The following SBK1 variants were observed in gnomAD, a reference collection of about 807,000 sequenced individuals.
SBK1 encodes the protein SH3 domain binding kinase 1.
SBK1 carries 11 observed loss-of-function variants against 24.4 expected under a neutral mutation model. The ratio of observed to expected loss-of-function variants is 0.45; its 90% CI spans 0.28 to 0.75. The LOEUF (loss-of-function observed/expected upper bound fraction) is 0.75, where lower values mean the gene tolerates loss of function less well. SBK1 is among the 30% of genes least tolerant of loss of function. SBK1 has a pLI of 0.12. For missense variants in SBK1, 467 were observed against 620.5 expected (o/e 0.75, Z 2.63); for synonymous variants, 308 against 284.4 (o/e 1.08, Z -0.83).
intron 1 of SBK1, among the ~76,000 whole-genome samples, chr16:28,307,271 C>A (rs2044723600): frequency 6.6e-6 from 1 of 152,202 alleles, no homozygotes; most frequent in South Asian, 2.1e-4. Context: ...GACACAGAGA[C>A]TTATTAACCC....
intron 1 of SBK1, among the ~76,000 whole-genome samples, chr16:28,302,902 T>C (rs1452239316): frequency 1.4e-5 from 2 of 147,908 alleles, no homozygotes; most frequent in African/African-American, 4.9e-5. Flanking sequence ...CAGAAGTTGG[T>C]ACATTATATA....
At chr16:28,297,873 T>C (rs1360218211) in intron 1 of SBK1, among the ~76,000 whole-genome samples, 1 of 152,146 alleles carries the variant, frequency 6.6e-6, no homozygotes, top group African/African-American at 2.4e-5. Context: ...AGGATAGCAT[T>C]GTGAAGTGGA....
intron 1 of SBK1, among the ~76,000 whole-genome samples, chr16:28,301,174 G>A (rs1334899451): frequency 1.3e-5 from 2 of 152,214 alleles, no homozygotes; most frequent in Admixed American, 6.5e-5. Context: ...CAGGCAGCCA[G>A]GCTGGGAAGA....
At chr16:28,303,069 G>A (rs181523101) in intron 1 of SBK1, among the ~76,000 whole-genome samples, 6 of 151,704 alleles carry the variant, frequency 4.0e-5, no homozygotes, top group Admixed American at 3.9e-4. Flanking sequence ...TCTAGGGGAA[G>A]GCAGAAGGAC....
chr16:28,260,568 G>A (rs1285068847), intron 1 of SBK1, among the ~76,000 whole-genome samples: 1 of 152,252 alleles, frequency 6.6e-6, no homozygotes, highest in South Asian at 2.1e-4. Flanking sequence ...CCTGGGCTGG[G>A]TTCCTCCCTG....
intron 1 of SBK1, among the ~76,000 whole-genome samples, chr16:28,276,664 G>T (rs117859971): frequency 6.7e-5 from 9 of 134,314 alleles, no homozygotes; most frequent in South Asian, 3.0e-4. Flanking sequence ...ATTTATTTAT[G>T]TATTTATTTA....
intron 1 of SBK1, among the ~76,000 whole-genome samples, chr16:28,295,594 C>A (rs529962601): frequency 1.3e-5 from 2 of 152,136 alleles, no homozygotes; most frequent in Non-Finnish European, 2.9e-5. Context: ...TCAGCATTGT[C>A]TAATTCAGAG....
At chr16:28,274,400 A>G (rs2044484194) in intron 1 of SBK1, among the ~76,000 whole-genome samples, 1 of 152,218 alleles carries the variant, frequency 6.6e-6, no homozygotes, top group Non-Finnish European at 1.5e-5. Context: ...ATGTAATCCC[A>G]GCACTTTGGG....
intron 1 of SBK1, among the ~76,000 whole-genome samples, chr16:28,315,962 C>T (rs1263717568): frequency 1.3e-5 from 2 of 152,088 alleles, no homozygotes; most frequent in African/African-American, 2.4e-5. Flanking sequence ...GACAGGGTTC[C>T]GCCACATTGA....
chr16:28,310,812 T>C (rs1274049424), intron 1 of SBK1, among the ~76,000 whole-genome samples: 1 of 152,146 alleles, frequency 6.6e-6, no homozygotes, highest in African/African-American at 2.4e-5. Context: ...TTACTTGATT[T>C]CTTCATGGTA....
At chr16:28,285,429 C>T (rs1466081681) in intron 1 of SBK1, 1 of 152,146 alleles carries the variant, frequency 6.6e-6, no homozygotes, top group Non-Finnish European at 1.5e-5. Flanking sequence ...GTGGCGTGCG[C>T]CTGTAATCCC....
chr16:28,301,499 T>C (rs1017151566), intron 1 of SBK1, among the ~76,000 whole-genome samples: 1 of 152,184 alleles, frequency 6.6e-6, no homozygotes, highest in Non-Finnish European at 1.5e-5. Context: ...GGGAGGGCAG[T>C]GAGGAAGAAT....
In SBK1 at chr16:28,319,129, G is replaced by C; in HGVS notation, c.361G>C (p.Glu121Gln). 6.2e-7 allele frequency: 1 copy of C among 1,614,044 alleles called. No individual in the cohort carries two copies. Among genetic ancestry groups the C allele is most frequent in the Non-Finnish European group, 8.5e-7 (1 of 1,179,960 alleles). The stretch of plus-strand genomic sequence containing the variant: ...GGTCTTTGACGTGGTCTTTGAGACA[G>C]AGGACTGCTACGTCTTTGCCCAGGA... Reference protein sequence around the residue: ...IKVFDVVFETEDCYVFAQEYA... With the variant: ...IKVFDVVFETQDCYVFAQEYA... The change falls in exon 3 of 4, where the codon GAG becomes CAG. Residue 121 changes from glutamate (E) to glutamine (Q), a missense_variant. Physicochemically the swap from Glu to Gln is conservative, Grantham distance 29. Transcript: ENST00000341901. The surrounding 1 kb of genome is among the most constrained non-coding windows in gnomAD (Gnocchi z 4.0).
chr16:28,315,541 G>T (rs974715623), intron 1 of SBK1, among the ~76,000 whole-genome samples: 1 of 152,024 alleles, frequency 6.6e-6, no homozygotes, highest in South Asian at 2.1e-4. Context: ...TGGAAGGATC[G>T]CTTGATCTCA....
At chr16:28,294,165 C>T (rs2044622327) in intron 1 of SBK1, among the ~76,000 whole-genome samples, 1 of 152,106 alleles carries the variant, frequency 6.6e-6, no homozygotes, top group Admixed American at 6.5e-5. Context: ...TACACACGGC[C>T]GTACCCCAGC....
intron 1 of SBK1, among the ~76,000 whole-genome samples, 170 bp downstream of exon 1, chr16:28,293,470 C>T (rs1192521277): frequency 1.3e-5 from 2 of 152,194 alleles, no homozygotes; most frequent in African/African-American, 4.8e-5. Flanking sequence ...CCGCCCCCTC[C>T]TCCTCTCCCT....
chr16:28,315,872 TCTC>T (rs1346922522), intron 1 of SBK1, among the ~76,000 whole-genome samples: 1 of 152,098 alleles, frequency 6.6e-6, no homozygotes, highest in African/African-American at 2.4e-5. Context: ...TTCAAGAAGT[TCTC>T]CTACCTCAGC....
Position 28,259,353 on chromosome 16 carries a change from G to C in SBK1, c.108G>C (p.Ala36=). The C allele has an allele frequency of 1.6e-6, 1 of 624,190 alleles. No individual in the cohort carries two copies. Among genetic ancestry groups the C allele is most frequent in the Non-Finnish European group, 2.0e-6 (1 of 500,108 alleles). The allele number at this position is 624,190 out of a possible 1,614,324, so 38.7% of individuals were successfully genotyped here. ...CTGCCCAGGCTGGCGATGATGCTGC[G>C]GAGGCCACCCCTGGCCACCCCTGCC... Residue 36 remains alanine, a synonymous_variant, in exon 1 of 4, where the codon GCG becomes GCC. Coordinates refer to the SBK1 transcript ENST00000671413. The surrounding 1 kb of genome is among the most constrained non-coding windows in gnomAD (Gnocchi z 6.0).
rs1220422411 is a variant in SBK1, at chr16:28,321,296, C to G, written c.*375C>G. On this transcript the variant is annotated 3_prime_UTR_variant, in exon 4 of 4. Coordinates refer to ENST00000341901, the MANE Select transcript of SBK1 (RefSeq NM_001024401.3). Reference sequence around the variant, plus strand: ...CCAGACGCCTCCCTGAGCCCTGGAACCCGGACTCGTTGCTCCTGGCCTTCC... The same window carrying G: ...CCAGACGCCTCCCTGAGCCCTGGAAGCCGGACTCGTTGCTCCTGGCCTTCC... 1.9e-5 allele frequency: 3 copies of G among 162,124 alleles called. No individual in the cohort carries two copies. The highest frequency in any genetic ancestry group is 4.0e-5 in the Non-Finnish European group (3 of 74,760). 10.0% of individuals were successfully genotyped at this position (162,124 alleles called of 1,614,324 possible).
Sources: allele counts gnomAD v4.1 joint callset (sites outside exome capture counted in the v4.1 genomes callset), GRCh38; gene constraint gnomAD v4.1.1; non-coding constraint Gnocchi (gnomAD v3.1); transcripts MANE v1.5; gene names NCBI Gene and HGNC (gene_info 2026-07-23, HGNC 2026-07-21).